The following WASL variants were observed in gnomAD, a reference collection of about 807,000 sequenced individuals.
The protein encoded by WASL is actin nucleation-promoting factor WASL.
Under a neutral mutation model 55.5 loss-of-function variants are expected in WASL, and 20 were observed. The observed-to-expected ratio is 0.36, with a 90% CI of 0.25 to 0.52. The LOEUF is 0.52. WASL is among the 20% of genes least tolerant of loss of function. The pLI, the probability that WASL is intolerant of heterozygous loss-of-function variation, is 0.92. For synonymous variants in WASL, 249 were observed against 217.6 expected, an observed-to-expected ratio of 1.14 and a Z score of -1.27; for missense variants, 504 against 622.5, an observed-to-expected ratio of 0.81 and a Z score of 2.03.
intron 5 of WASL, among the ~76,000 whole-genome samples, chr7:123,702,864 G>A (rs1409740860): frequency 6.6e-6 from 1 of 152,136 alleles, no homozygotes; most frequent in Non-Finnish European, 1.5e-5. Flanking sequence ...ATGGATACAT[G>A]TATTTACAAC....
rs10270793 is a variant in WASL at position 123,696,750 on chromosome 7, G to A, written c.461-3C>T. 359,532 of 1,505,162 alleles carry A rather than the reference G, an allele frequency of 0.24. 45,179 individuals are homozygous for A. The highest frequency in any genetic ancestry group is 0.38 in the African/African-American group (26,930 of 70,520). 93.2% of individuals were successfully genotyped at this position (1,505,162 alleles called of 1,614,324 possible). On this transcript the variant is annotated splice_region_variant and splice_polypyrimidine_tract_variant and intron_variant, in intron 5 of 10. Transcript: ENST00000223023. ...TGTAGCCATGGGTAGATTAGGACCT[G>A]CAAATAAAACCAAATTATATAAAAG...
At chr7:123,702,235 T>C (rs546382150) in intron 5 of WASL, among the ~76,000 whole-genome samples, 1 of 152,174 alleles carries the variant, frequency 6.6e-6, no homozygotes, top group African/African-American at 2.4e-5. Context: ...TTTGTACTTT[T>C]AATAGAGACG....
chr7:123,695,041 T>A (rs1803469927), intron 7 of WASL, among the ~76,000 whole-genome samples, 173 bp from the exon 8 acceptor site: 1 of 152,194 alleles, frequency 6.6e-6, no homozygotes, highest in African/African-American at 2.4e-5. Flanking sequence ...ATATATTCCC[T>A]ATTTTATTCT....
intron 7 of WASL, 29 bp downstream of exon 7, chr7:123,695,794 T>A (rs756376487): frequency 1.9e-6 from 3 of 1,608,432 alleles, no homozygotes; most frequent in Non-Finnish European, 2.6e-6. Context: ...CATACAGTTA[T>A]AACGTATATG....
intron 1 of WASL, among the ~76,000 whole-genome samples, chr7:123,738,791 T>C (rs1804281253): frequency 2.0e-5 from 3 of 152,140 alleles, no homozygotes; most frequent in Non-Finnish European, 1.5e-5. Context: ...TGTCCAATCT[T>C]TTGGTTTCCC....
intron 5 of WASL, among the ~76,000 whole-genome samples, chr7:123,703,337 A>G (rs1373972043): frequency 6.6e-6 from 1 of 152,140 alleles, no homozygotes; most frequent in Non-Finnish European, 1.5e-5. Context: ...TTATCTATAA[A>G]AGAGATAATA....
intron 10 of WASL, among the ~76,000 whole-genome samples, chr7:123,686,278 G>A (rs1373117476): frequency 3.3e-5 from 5 of 151,982 alleles, no homozygotes; most frequent in African/African-American, 9.6e-5. Flanking sequence ...GAGTTCAATT[G>A]AGTCATGTTA....
Position 123,748,912 on chromosome 7 carries a change from A to G in WASL, c.-178T>C, listed in dbSNP as rs1367638325. On this transcript the variant is annotated 5_prime_UTR_variant, in exon 1 of 11. Transcript: ENST00000223023. ...GGGAAGCAGGCGCTGACGGCGAGCC[A>G]CCTTCGCGCCGCGCTGAGAAAGGGA... The G allele has an allele frequency of 1.4e-5, 8 of 571,206 alleles. No homozygotes were observed. The highest frequency in any genetic ancestry group is 2.4e-5 in the Non-Finnish European group (8 of 330,146). 35.4% of individuals were successfully genotyped at this position (571,206 alleles called of 1,614,324 possible).
intron 1 of WASL, among the ~76,000 whole-genome samples, chr7:123,732,412 G>A (rs1251244844): frequency 1.3e-5 from 2 of 152,056 alleles, no homozygotes; most frequent in Non-Finnish European, 2.9e-5. Context: ...GACTAACAAG[G>A]AATATTTTGA....
chr7:123,694,980 TTA>T, intron 7 of WASL, 112 bp from the exon 8 acceptor site: 1 of 1,008,012 alleles, frequency 9.9e-7, no homozygotes, highest in Non-Finnish European at 1.5e-6. Context: ...TTTAACATGC[TTA>T]TATTACTTAT....
intron 1 of WASL, among the ~76,000 whole-genome samples, chr7:123,713,224 C>A (rs1434220772): frequency 2.6e-5 from 4 of 152,126 alleles, no homozygotes; most frequent in Admixed American, 2.0e-4. Flanking sequence ...AGATCGCTCA[C>A]CACAGCATCA....
chr7:123,687,367 A>G (rs887071142), intron 10 of WASL, among the ~76,000 whole-genome samples: 1 of 151,912 alleles, frequency 6.6e-6, no homozygotes, highest in Admixed American at 6.6e-5. Context: ...CTGGCCTCCT[A>G]CTACTTCTTG....
In WASL at chr7:123,682,371, T is replaced by C. The variant is rs1803210235; in HGVS notation, c.*2148A>G. On this transcript the variant is annotated 3_prime_UTR_variant, in exon 11 of 11. Coordinates refer to ENST00000223023, the MANE Select transcript of WASL (RefSeq NM_003941.4). Reference sequence around the variant, plus strand: ...TGCTGTGTTTCAACCAACAGTAATTTAGACTTTTTGTAACAACAACCAATG... The same window carrying C: ...TGCTGTGTTTCAACCAACAGTAATTCAGACTTTTTGTAACAACAACCAATG... The C allele has an allele frequency of 1.3e-5, 2 of 152,146 alleles. No individual in the cohort carries two copies. Among genetic ancestry groups the C allele is most frequent in the South Asian group, 2.1e-4 (1 of 4,832 alleles). 9.4% of individuals were successfully genotyped at this position (152,146 alleles called of 1,614,324 possible). A position where few individuals can be genotyped will look rare whatever the true frequency, so the allele number is the denominator to read the frequency against.
At position 123,748,785 on chromosome 7, in the gene WASL, G is replaced by A; in HGVS notation, c.-51C>T. On this transcript the variant is annotated 5_prime_UTR_variant, in exon 1 of 11. Coordinates refer to ENST00000223023, the MANE Select transcript of WASL (RefSeq NM_003941.4). Reference sequence around the variant, plus strand: ...CAGGGCCGTCTCCTCCGGCGAGTGGGCGAGAGCTCGTTCCCCCTCTCGGTG... The same window carrying A: ...CAGGGCCGTCTCCTCCGGCGAGTGGACGAGAGCTCGTTCCCCCTCTCGGTG... 1.4e-6 allele frequency: 2 copies of A among 1,440,732 alleles called. No homozygotes were observed. Among genetic ancestry groups the A allele is most frequent in the Non-Finnish European group, 1.9e-6 (2 of 1,081,066 alleles). The allele number at this position is 1,440,732 out of a possible 1,614,324, so 89.2% of individuals were successfully genotyped here. A position where few individuals can be genotyped will look rare whatever the true frequency, so the allele number is the denominator to read the frequency against.
In WASL at chr7:123,683,833, C is replaced by G. The variant is rs1803241442; in HGVS notation, c.*686G>C. 6.6e-6 allele frequency: 1 copy of G among 151,938 alleles called. No homozygotes were observed. The highest frequency in any genetic ancestry group is 2.1e-4 in the South Asian group (1 of 4,828). 9.4% of individuals were successfully genotyped at this position (151,938 alleles called of 1,614,324 possible). A position where few individuals can be genotyped will look rare whatever the true frequency, so the allele number is the denominator to read the frequency against. On this transcript the variant is annotated 3_prime_UTR_variant, in exon 11 of 11. Coordinates refer to ENST00000223023, the MANE Select transcript of WASL (RefSeq NM_003941.4). Reference sequence around the variant, plus strand: ...GCTACAGCATAAAAATAACCCCAGTCAATAACAAGTATTTAAGGGCTCCTT... The same window carrying G: ...GCTACAGCATAAAAATAACCCCAGTGAATAACAAGTATTTAAGGGCTCCTT...
chr7:123,747,670 G>C (rs1358076419), intron 1 of WASL, among the ~76,000 whole-genome samples: 1 of 152,164 alleles, frequency 6.6e-6, no homozygotes, highest in Non-Finnish European at 1.5e-5. Context: ...AAGGGATCCA[G>C]CCAGTATTTC....
rs577907541 is a variant in WASL at position 123,685,682 on chromosome 7, C to G, written c.1457-1102G>C. Among the ~76,000 whole-genome samples the G allele has an allele frequency of 7.2e-5, 11 of 151,782 alleles. No individual in the cohort carries two copies. The East Asian group carries it at 1.9e-3, about 27-fold the overall frequency. On this transcript the variant is annotated intron_variant, in intron 10 of 10. Coordinates refer to ENST00000223023, the MANE Select transcript of WASL (RefSeq NM_003941.4). Reference sequence around the variant, plus strand: ...CTTATTTCTCACTGTATCCTCAACACCAAAACAGCACTACACACCAGCCAT... The same window carrying G: ...CTTATTTCTCACTGTATCCTCAACAGCAAAACAGCACTACACACCAGCCAT...
rs1219799732 is a variant in WASL at position 123,682,225 on chromosome 7, C to T, written c.*2294G>A. 1 of 152,128 alleles carries T rather than the reference C, an allele frequency of 6.6e-6. No individual in the cohort carries two copies. The highest frequency in any genetic ancestry group is 1.5e-5 in the Non-Finnish European group (1 of 68,020). The allele number at this position is 152,128 out of a possible 1,614,324, so 9.4% of individuals were successfully genotyped here. On this transcript the variant is annotated 3_prime_UTR_variant, in exon 11 of 11. Transcript: ENST00000223023. Reference sequence around the variant, plus strand: ...AGCTGGAGAATATACGGAAGGCTTTCAGACAACGCACAGGTATAGTGCTGC... The same window carrying T: ...AGCTGGAGAATATACGGAAGGCTTTTAGACAACGCACAGGTATAGTGCTGC...
intron 1 of WASL, 122 bp downstream of exon 1, chr7:123,748,496 G>C (rs1325094427): frequency 3.1e-6 from 3 of 982,212 alleles, no homozygotes; most frequent in African/African-American, 3.4e-5. Flanking sequence ...GGCCGGGGCC[G>C]GGGCTGGCGG....
Sources: allele counts gnomAD v4.1 joint callset (sites outside exome capture counted in the v4.1 genomes callset), GRCh38; gene constraint gnomAD v4.1.1; transcripts MANE v1.5; gene names NCBI Gene and HGNC (gene_info 2026-07-23, HGNC 2026-07-21).